KCNQ2: variants seen among roughly 807,000 people sequenced by gnomAD.
The protein encoded by KCNQ2 is potassium voltage-gated channel subfamily KQT member 2.
A neutral mutation model predicts 84.8 loss-of-function variants in KCNQ2; 14 were observed. The observed-to-expected ratio is 0.17, with a 90% CI of 0.11 to 0.26. KCNQ2 has a LOEUF of 0.26. Among genes scored for constraint, KCNQ2 ranks in the 10% least tolerant of loss-of-function variants. The pLI is 1.00. For synonymous variants in KCNQ2, 599 were observed against 554.1 expected (o/e 1.08, Z -1.14); for missense variants, 788 against 1,254.0 (o/e 0.63, Z 5.61).
chr20:63,417,688 G>C (rs2080337370), intron 12 of KCNQ2, among the ~76,000 whole-genome samples: 1 of 152,258 alleles, frequency 6.6e-6, no homozygotes, highest in Non-Finnish European at 1.5e-5. Context: ...AGGCCCCACA[G>C]TCCGCAGGGA....
At chr20:63,470,540 G>A (rs529395750) in intron 1 of KCNQ2, among the ~76,000 whole-genome samples, 3 of 152,322 alleles carry the variant, frequency 2.0e-5, no homozygotes, top group East Asian at 1.9e-4. Context: ...GCGGCCATGC[G>A]GAGAGCTGCT....
intron 4 of KCNQ2, among the ~76,000 whole-genome samples, chr20:63,443,304 T>C (rs1306125478): frequency 1.1e-3 from 37 of 33,266 alleles, no homozygotes; most frequent in Non-Finnish European, 1.2e-3. Context: ...ACCACCACCA[T>C]CACCATCATC....
chr20:63,433,353 C>A, intron 8 of KCNQ2: 1 of 245,784 alleles, frequency 4.1e-6, no homozygotes. Context: ...TCACTGTGAT[C>A]CGGGGTTACT....
chr20:63,421,253 A>G (rs2080462119), intron 11 of KCNQ2, among the ~76,000 whole-genome samples: 1 of 152,186 alleles, frequency 6.6e-6, no homozygotes, highest in Non-Finnish European at 1.5e-5. Flanking sequence ...AGCCACACTG[A>G]AGCTCCGGCT....
At chr20:63,421,062 G>T (rs2080457057) in intron 11 of KCNQ2, among the ~76,000 whole-genome samples, 1 of 152,058 alleles carries the variant, frequency 6.6e-6, no homozygotes, top group African/African-American at 2.4e-5. Context: ...CAAGCACAGA[G>T]CCCCTGCCTG....
rs2236198 is a variant in KCNQ2, at chr20:63,408,819, G to A, written c.1764-283C>T. 0.11 allele frequency among the ~76,000 whole-genome samples: 16,620 copies of A among 152,152 alleles called. 1,323 individuals are homozygous for A. The highest frequency in any genetic ancestry group is 0.46 in the East Asian group (2,377 of 5,152). On this transcript the variant is annotated intron_variant, in intron 15 of 16. Coordinates refer to ENST00000359125, the MANE Select transcript of KCNQ2 (RefSeq NM_172107.4). The surrounding 1 kb of genome is among the most constrained non-coding windows in gnomAD (Gnocchi z 5.0). ...CGCTCCCACCAGGGCCGAGTCGCCC[G>A]GCTCCTCTCCGTGGGCTCCCGGCTC...
rs2081066955 is a variant in KCNQ2, at chr20:63,438,445, G to A, written c.1023+180C>T. The A allele has an allele frequency of 3.0e-6, 2 of 663,460 alleles. No homozygotes were observed. Among genetic ancestry groups the A allele is most frequent in the African/African-American group, 1.8e-5 (1 of 56,542 alleles). 41.1% of individuals were successfully genotyped at this position (663,460 alleles called of 1,614,324 possible). A position where few individuals can be genotyped will look rare whatever the true frequency, so the allele number is the denominator to read the frequency against. On this transcript the variant is annotated intron_variant, in intron 7 of 16. Transcript: ENST00000359125. This position sits in a 1 kb window ranked among gnomAD's most constrained non-coding sequence, Gnocchi z 5.1. Reference sequence around the variant, plus strand: ...CCACCCCTGTGCAGCCTCAGGGGTTGGAGCCATTTCTCAACACACACACTT... The same window carrying A: ...CCACCCCTGTGCAGCCTCAGGGGTTAGAGCCATTTCTCAACACACACACTT...
rs2082239209 is a variant in KCNQ2 at position 63,472,404 on chromosome 20, C to G, written c.60G>C (p.Leu20=). ...GGTCCAGCCCCACGAAGCCCACCTTCAGCTTCTTCTCCCCGCTCGGGCCGG... is the reference window on the plus strand; with the variant it reads ...GGTCCAGCCCCACGAAGCCCACCTTGAGCTTCTTCTCCCCGCTCGGGCCGG... ...VYPGPSGEKK[L]KVGFVGLDPG... is the part of the protein sequence containing the mutation. The change falls in exon 1 of 17, where the codon CTG becomes CTC. Residue 20 remains leucine (L), a synonymous_variant. Coordinates refer to ENST00000359125, the MANE Select transcript of KCNQ2 (RefSeq NM_172107.4). 6.5e-7 allele frequency: 1 copy of G among 1,538,910 alleles called. No individual in the cohort carries two copies. The highest frequency in any genetic ancestry group is 1.4e-5 in the African/African-American group (1 of 70,912).
intron 7 of KCNQ2, among the ~76,000 whole-genome samples, chr20:63,436,585 G>A (rs1367325428): frequency 2.6e-5 from 4 of 151,822 alleles, no homozygotes; most frequent in African/African-American, 4.8e-5. Context: ...CACCTCATCA[G>A]CAGTGGCCAC....
At chr20:63,409,445 G>C (rs1601552466) in intron 15 of KCNQ2, among the ~76,000 whole-genome samples, 1 of 152,216 alleles carries the variant, frequency 6.6e-6, no homozygotes, top group Non-Finnish European at 1.5e-5. Flanking sequence ...GACCAGTCTG[G>C]TATCCACAGA....
intron 11 of KCNQ2, among the ~76,000 whole-genome samples, chr20:63,420,560 A>G (rs1388159062): frequency 2.0e-5 from 3 of 150,772 alleles, no homozygotes; most frequent in Non-Finnish European, 2.9e-5. Flanking sequence ...CAGAACACAC[A>G]GGCTCTAGGA....
rs915421747 is a variant in KCNQ2, at chr20:63,403,003, G to A, written c.*3641C>T. The A allele has an allele frequency of 1.7e-4, 26 of 152,226 alleles. No individual in the cohort carries two copies. Among genetic ancestry groups the A allele is most frequent in the Admixed American group, 1.7e-3 (26 of 15,282 alleles). 9.4% of individuals were successfully genotyped at this position (152,226 alleles called of 1,614,324 possible). ...CACAACAGGCAGCAGCACCTGCCTGGGCTGGGGCCTGGGATTCGAGGCTGA... is the reference window on the plus strand; with the variant it reads ...CACAACAGGCAGCAGCACCTGCCTGAGCTGGGGCCTGGGATTCGAGGCTGA... On this transcript the variant is annotated 3_prime_UTR_variant, in exon 17 of 17. Coordinates refer to ENST00000359125, the MANE Select transcript of KCNQ2 (RefSeq NM_172107.4).
chr20:63,433,620 G>A, intron 8 of KCNQ2, 189 bp downstream of exon 8: 1 of 1,050,364 alleles, frequency 9.5e-7, no homozygotes, highest in Non-Finnish European at 1.4e-6. Context: ...TGAAGAGAAA[G>A]CCGCAGCTCT....
rs1555874020 is a variant in KCNQ2, at chr20:63,445,367, G to A, written c.388-3C>T. 6 of 1,613,526 alleles carry A rather than the reference G, an allele frequency of 3.7e-6. No individual in the cohort carries two copies. Among genetic ancestry groups the A allele is most frequent in the Non-Finnish European group, 5.1e-6 (6 of 1,179,822 alleles). ...AACACCACGATAGTCACGATTTCCTGCAGGGGAGGAAAGCTGAGGCCACCT... is the reference window on the plus strand; with the variant it reads ...AACACCACGATAGTCACGATTTCCTACAGGGGAGGAAAGCTGAGGCCACCT... On this transcript the variant is annotated splice_polypyrimidine_tract_variant and splice_region_variant and intron_variant, in intron 2 of 16. Transcript: ENST00000359125.
At position 63,438,545 on chromosome 20, in the gene KCNQ2, A is replaced by C. The variant is rs966144707; in HGVS notation, c.1023+80T>G. ...CCATCCACAGACAGGGCAATGCCAA[A>C]GCCCCAGCGGCCTCCACTCCTCAAC... On this transcript the variant is annotated intron_variant, in intron 7 of 16. Transcript: ENST00000359125. The surrounding 1 kb of genome is among the most constrained non-coding windows in gnomAD (Gnocchi z 5.1). 4 of 1,200,258 alleles carry C rather than the reference A, an allele frequency of 3.3e-6. No homozygotes were observed. Among genetic ancestry groups the C allele is most frequent in the Non-Finnish European group, 4.9e-6 (4 of 808,468 alleles). The allele number at this position is 1,200,258 out of a possible 1,614,324, so 74.4% of individuals were successfully genotyped here. A position where few individuals can be genotyped will look rare whatever the true frequency, so the allele number is the denominator to read the frequency against.
At position 63,438,743 on chromosome 20, in the gene KCNQ2, C is replaced by T. The variant is rs866660979; in HGVS notation, c.928-23G>A. On this transcript the variant is annotated intron_variant, in intron 6 of 16. Transcript: ENST00000359125. This position sits in a 1 kb window ranked among gnomAD's most constrained non-coding sequence, Gnocchi z 5.1. Reference sequence around the variant, plus strand: ...GCCCTGCAATTCATCAGGGTCAGGTCACACCCCAGGGACCCCCCACACCCC... The same window carrying T: ...GCCCTGCAATTCATCAGGGTCAGGTTACACCCCAGGGACCCCCCACACCCC... 3 of 1,607,376 alleles carry T rather than the reference C, an allele frequency of 1.9e-6. No individual in the cohort carries two copies. Among genetic ancestry groups the T allele is most frequent in the Middle Eastern group, 1.7e-4 (1 of 6,058 alleles).
intron 11 of KCNQ2, among the ~76,000 whole-genome samples, chr20:63,420,089 C>T (rs2080420462): frequency 1.3e-5 from 2 of 152,240 alleles, no homozygotes; most frequent in African/African-American, 2.4e-5. Flanking sequence ...GAGAGGAAAA[C>T]GTGCAGTTGT....
In KCNQ2 at chr20:63,413,554, C is replaced by G; in HGVS notation, c.1659G>C (p.Arg553=). ...VCVMRFLVSK[R]KFKESLRPYD... ...AGGGCCGCAGGCTCTCCTTGAACTT[C>G]CGCTTGGACACCAGGAACCGCATGA... Residue 553 remains arginine (R), a synonymous_variant, in exon 15 of 17, where the codon CGG becomes CGC. Transcript: ENST00000359125. 6.2e-7 allele frequency: 1 copy of G among 1,613,232 alleles called. No individual in the cohort carries two copies. The highest frequency in any genetic ancestry group is 8.5e-7 in the Non-Finnish European group (1 of 1,179,992).
intron 1 of KCNQ2, among the ~76,000 whole-genome samples, chr20:63,450,290 G>A (rs922236175): frequency 6.6e-6 from 1 of 151,164 alleles, no homozygotes; most frequent in African/African-American, 2.4e-5. Context: ...CACACGTGCC[G>A]GACGAGGGCG....
Sources: allele counts gnomAD v4.1 joint callset (sites outside exome capture counted in the v4.1 genomes callset), GRCh38; gene constraint gnomAD v4.1.1; non-coding constraint Gnocchi (gnomAD v3.1); transcripts MANE v1.5; gene names NCBI Gene and HGNC (gene_info 2026-07-23, HGNC 2026-07-21).